Variants in SRSF1 observed in about 807,000 individuals in gnomAD.
The protein encoded by SRSF1 is serine and arginine rich splicing factor 1, also known as serine/arginine-rich splicing factor 1.
Under a neutral mutation model 25.9 loss-of-function variants are expected in SRSF1, and 1 was observed. The ratio of observed to expected loss-of-function variants is 0.04; its 90% CI spans 0.01 to 0.18. The LOEUF is 0.18. SRSF1 is among the 10% of genes least tolerant of loss of function. The pLI is 1.00. For synonymous variants in SRSF1, 132 were observed against 126.2 expected, an observed-to-expected ratio of 1.05 and a Z score of -0.31; for missense variants, 65 against 350.5, an observed-to-expected ratio of 0.19 and a Z score of 6.50.
chr17:58,006,859 C>T (rs2075433331), intron 1 of SRSF1, 85 bp downstream of exon 1: 10 of 1,495,804 alleles, frequency 6.7e-6, no homozygotes, highest in African/African-American at 1.4e-5. Context: ...GCCCCCGCTT[C>T]CCCGTTCTCT....
At chr17:58,006,689 T>TCCCAACCACTACACCAGCCC in intron 1 of SRSF1, 162 bp from the exon 2 acceptor site, 1 of 899,946 alleles carries the variant, frequency 1.1e-6, no homozygotes, top group Non-Finnish European at 1.6e-6. Flanking sequence ...CACGCCAGGC[T>TCCCAACCACTACACCAGCCC]CCCAACCACT....
downstream of SRSF1, among the ~76,000 whole-genome samples, chr17:57,996,766 G>C (rs567069980): frequency 7.1e-4 from 108 of 152,140 alleles, no homozygotes; most frequent in African/African-American, 2.5e-3. Context: ...ATGGATGCTG[G>C]GTCTCTTGGT....
chr17:58,006,539 C>G lies in SRSF1; in HGVS notation c.195-12G>C. 6.2e-7 allele frequency: 1 copy of G among 1,607,354 alleles called. No individual in the cohort carries two copies. Among genetic ancestry groups the G allele is most frequent in the Non-Finnish European group, 8.5e-7 (1 of 1,176,208 alleles). ...CGTCTTCCGCGTCTCTGCGGGATCG[C>G]AGAAAGTAAAAGGGATGAGAAACAC... On this transcript the variant is annotated splice_polypyrimidine_tract_variant and intron_variant, in intron 1 of 3. Transcript: ENST00000258962.
intron 1 of SRSF1, 45 bp from the exon 2 acceptor site, chr17:58,006,572 A>T: frequency 6.4e-7 from 1 of 1,567,608 alleles, no homozygotes; most frequent in Non-Finnish European, 8.7e-7. Context: ...CACCAGGAGG[A>T]GAAGCTCGCT....
chr17:58,006,173 A>G, intron 2 of SRSF1, 170 bp downstream of exon 2: 1 of 1,001,128 alleles, frequency 1.0e-6, no homozygotes, highest in Non-Finnish European at 1.5e-6. Context: ...ACCGCAACCT[A>G]ATTTGGTAAA....
In SRSF1 at chr17:58,005,924, T is replaced by C; in HGVS notation, c.429A>G (p.Glu143=). ...SWQDLKDHMR[E]AGDVCYADVY... ...CATCAGCATAACATACATCACCTGCTTCACGCATGTGATCCTTTAAATCCT... is the reference window on the plus strand; with the variant it reads ...CATCAGCATAACATACATCACCTGCCTCACGCATGTGATCCTTTAAATCCT... The change falls in exon 3 of 4, where the codon GAA becomes GAG. Residue 143 remains glutamate (E), a synonymous_variant. Coordinates refer to ENST00000258962, the MANE Select transcript of SRSF1 (RefSeq NM_006924.5). This position sits in a 1 kb window ranked among gnomAD's most constrained non-coding sequence, Gnocchi z 5.2. The C allele has an allele frequency of 6.2e-7, 1 of 1,613,852 alleles. No individual in the cohort carries two copies.
rs201477973 is a variant in SRSF1 at position 58,007,157 on chromosome 17, G to A, written c.-20C>T. The A allele has an allele frequency of 3.8e-5, 62 of 1,613,210 alleles. No homozygotes were observed. The highest frequency in any genetic ancestry group is 5.2e-5 in the Non-Finnish European group (61 of 1,179,804). ...CGACATGGCGGTGACGAAAAGCGCG[G>A]ACTCGAGAACAGGCCTTCCCACCAA... On this transcript the variant is annotated 5_prime_UTR_variant, in exon 1 of 4. Transcript: ENST00000258962.
the SRSF1 span, chr17:57,990,584 A>G: frequency 6.6e-6 from 1 of 152,232 alleles, no homozygotes; most frequent in Non-Finnish European, 1.5e-5. Flanking sequence ...CTTTTAGGAC[A>G]GAAAATTTCT....
At position 58,003,193 on chromosome 17, in the gene SRSF1, AG is replaced by A. The variant is rs1408930647; in HGVS notation, c.*2212del. ...CCACCAGAAAATAAGCAGCATCTATAGTTTTTTAACCACTTTATAACAAAGT... is the reference window on the plus strand; with the variant it reads ...CCACCAGAAAATAAGCAGCATCTATATTTTTTAACCACTTTATAACAAAGT... On this transcript the variant is annotated 3_prime_UTR_variant, in exon 4 of 4. Transcript: ENST00000258962. Among the ~76,000 whole-genome samples, 1 of 151,434 alleles carries A rather than the reference AG, an allele frequency of 6.6e-6. No individual in the cohort carries two copies. Among genetic ancestry groups the A allele is most frequent in the Non-Finnish European group, 1.5e-5 (1 of 67,764 alleles).
At chr17:57,994,543 G>C in the SRSF1 span, 1 of 152,180 alleles carries the variant, frequency 6.6e-6, no homozygotes. Context: ...CAAATCAGTA[G>C]GTTACTCTTT....
rs2075386448 is a variant in SRSF1, at chr17:58,001,097, T to C, written c.*4309A>G. 6.6e-6 allele frequency among the ~76,000 whole-genome samples: 1 copy of C among 152,240 alleles called. No homozygotes were observed. The highest frequency in any genetic ancestry group is 2.4e-5 in the African/African-American group (1 of 41,468). ...AACTTCAGTCTAACAGTTTCTCATC[T>C]TTTAATACTATTTATGGTAAATACA... On this transcript the variant is annotated 3_prime_UTR_variant, in exon 4 of 4. Transcript: ENST00000258962.
downstream of SRSF1, among the ~76,000 whole-genome samples, chr17:57,997,000 AG>A (rs1359937960): frequency 3.3e-5 from 5 of 152,228 alleles, no homozygotes; most frequent in Non-Finnish European, 7.3e-5. Context: ...ATTCTCATTG[AG>A]GCAATACCAC....
chr17:58,007,212 C>G lies in SRSF1; in HGVS notation c.-75G>C, dbSNP rs2143493419. Reference sequence around the variant, plus strand: ...AGCGCACGGCAGAGCGAGCCCGCAGCGGCACCACGTCTCCCGCGGCCCCTC... The same window carrying G: ...AGCGCACGGCAGAGCGAGCCCGCAGGGGCACCACGTCTCCCGCGGCCCCTC... On this transcript the variant is annotated 5_prime_UTR_variant, in exon 1 of 4. Coordinates refer to ENST00000258962, the MANE Select transcript of SRSF1 (RefSeq NM_006924.5). The G allele has an allele frequency of 1.3e-6, 2 of 1,552,710 alleles. No individual in the cohort carries two copies. The highest frequency in any genetic ancestry group is 2.3e-5 in the East Asian group (1 of 44,212).
the SRSF1 span, chr17:57,991,901 C>G: frequency 6.6e-6 from 1 of 152,196 alleles, no homozygotes; most frequent in Non-Finnish European, 1.5e-5. Context: ...ACAACTGGAA[C>G]AAAGTCATAG....
At chr17:57,995,559 GAAC>G in the SRSF1 span, among the ~76,000 whole-genome samples, 1 of 152,192 alleles carries the variant, frequency 6.6e-6, no homozygotes, top group African/African-American at 2.4e-5. Context: ...TCCTACTCTA[GAAC>G]AACCCTCAGC....
chr17:58,005,208 A>G lies in SRSF1; in HGVS notation c.*198T>C. 1 of 617,836 alleles carries G rather than the reference A, an allele frequency of 1.6e-6. No homozygotes were observed. The allele number at this position is 617,836 out of a possible 1,614,324, so 38.3% of individuals were successfully genotyped here. A position where few individuals can be genotyped will look rare whatever the true frequency, so the allele number is the denominator to read the frequency against. ...TAACTAAATTTAAACAATCCTGTCT[A>G]TGACATCACTTAAAATACAATTTAT... On this transcript the variant is annotated 3_prime_UTR_variant, in exon 4 of 4. Transcript: ENST00000258962. This position sits in a 1 kb window ranked among gnomAD's most constrained non-coding sequence, Gnocchi z 5.2.
Position 58,001,354 on chromosome 17 carries a change from A to G in SRSF1, c.*4052T>C, listed in dbSNP as rs901423590. ...GAGCACTGAATATTTACTAAAGCATAAAACTTAGGAAAAATCATTTTACGG... is the reference window on the plus strand; with the variant it reads ...GAGCACTGAATATTTACTAAAGCATGAAACTTAGGAAAAATCATTTTACGG... On this transcript the variant is annotated 3_prime_UTR_variant, in exon 4 of 4. Transcript: ENST00000258962. 1.3e-5 allele frequency among the ~76,000 whole-genome samples: 2 copies of G among 152,206 alleles called. No individual in the cohort carries two copies. The highest frequency in any genetic ancestry group is 2.9e-5 in the Non-Finnish European group (2 of 68,012).
At chr17:57,993,663 A>G in the SRSF1 span, 2 of 152,240 alleles carry the variant, frequency 1.3e-5, no homozygotes, top group Non-Finnish European at 2.9e-5. Context: ...AGGACAGGAT[A>G]GATTTTGACC....
the SRSF1 span, chr17:57,991,730 G>C: frequency 6.6e-6 from 1 of 151,666 alleles, no homozygotes; most frequent in East Asian, 1.9e-4. Flanking sequence ...GCACACTAAG[G>C]GCTTTGAAGC....
Sources: gnomAD v4.1 joint callset for allele counts (sites outside exome capture counted in the v4.1 genomes callset) on GRCh38, gnomAD v4.1.1 for gene constraint, Gnocchi (gnomAD v3.1) non-coding constraint, MANE v1.5 for transcripts, NCBI Gene and HGNC (gene_info 2026-07-23, HGNC 2026-07-21) for gene names.